Variants in MDGA2 observed in about 807,000 individuals in gnomAD.
MDGA2 encodes the protein MAM domain-containing glycosylphosphatidylinositol anchor protein 2.
MDGA2 carries 40 observed loss-of-function variants against 117.8 expected under a neutral mutation model. The ratio of observed to expected loss-of-function variants is 0.34; its 90% CI spans 0.26 to 0.44. The LOEUF (loss-of-function observed/expected upper bound fraction) is 0.44, where lower values mean the gene tolerates loss of function less well. Ranked by LOEUF, MDGA2 falls within the 20% of genes least tolerant of loss-of-function variation. The probability of loss-of-function intolerance (pLI) is 1.00; values close to 1 mark genes in which losing one functional copy is unlikely to be tolerated. For synonymous variants in MDGA2, 452 were observed against 439.0 expected (o/e 1.03, Z -0.37); for missense variants, 1,123 against 1,250.6 (o/e 0.90, Z 1.54).
intron 1 of MDGA2, among the ~76,000 whole-genome samples, chr14:47,662,446 G>A (rs1255378537): frequency 1.3e-5 from 2 of 152,096 alleles, no homozygotes; most frequent in Non-Finnish European, 2.9e-5. Flanking sequence ...CTGGAAGAGG[G>A]AAGGTGGTTA....
chr14:47,154,615 A>C (rs1303216611), intron 3 of MDGA2, among the ~76,000 whole-genome samples: 1 of 151,702 alleles, frequency 6.6e-6, no homozygotes, highest in Non-Finnish European at 1.5e-5. Context: ...GTCCAGCCCA[A>C]GCGCTGTCAA....
At chr14:47,273,069 A>C (rs1888200357) in intron 2 of MDGA2, among the ~76,000 whole-genome samples, 2 of 152,054 alleles carry the variant, frequency 1.3e-5, no homozygotes, top group Non-Finnish European at 2.9e-5. Context: ...CCCCCTTTTT[A>C]GTCCCTGATA....
intron 2 of MDGA2, among the ~76,000 whole-genome samples, chr14:47,269,132 G>C (rs1192115732): frequency 6.6e-6 from 1 of 152,076 alleles, no homozygotes; most frequent in Non-Finnish European, 1.5e-5. Context: ...TATAGTTTAG[G>C]AAAATATTCT....
intron 1 of MDGA2, among the ~76,000 whole-genome samples, chr14:47,396,528 A>C (rs1309583566): frequency 6.6e-6 from 1 of 152,210 alleles, no homozygotes; most frequent in Non-Finnish European, 1.5e-5. Flanking sequence ...CAACAAAAGA[A>C]ACTATCATCA....
At chr14:47,568,014 T>C (rs1355883344) in intron 1 of MDGA2, among the ~76,000 whole-genome samples, 2 of 152,122 alleles carry the variant, frequency 1.3e-5, no homozygotes, top group African/African-American at 2.4e-5. Flanking sequence ...CTCACTCCCA[T>C]GTGTCCACTA....
At chr14:46,869,518 T>C (rs1881915798) in intron 14 of MDGA2, among the ~76,000 whole-genome samples, 2 of 151,972 alleles carry the variant, frequency 1.3e-5, no homozygotes, top group African/African-American at 4.8e-5. Flanking sequence ...GATAACATTA[T>C]AGTTTTCATT....
chr14:47,082,485 C>G (rs901122101), intron 6 of MDGA2, among the ~76,000 whole-genome samples: 2 of 151,940 alleles, frequency 1.3e-5, no homozygotes, highest in Non-Finnish European at 2.9e-5. Flanking sequence ...AGGTTATGTC[C>G]TAGGAATGGG....
intron 1 of MDGA2, among the ~76,000 whole-genome samples, chr14:47,386,470 G>A (rs901374303): frequency 5.9e-5 from 9 of 152,056 alleles, no homozygotes; most frequent in African/African-American, 7.2e-5. Context: ...CCTCAAAGAC[G>A]TGAACATGGT....
chr14:47,646,079 CAAAAA>C (rs10533233), intron 1 of MDGA2, among the ~76,000 whole-genome samples: 6 of 107,602 alleles, frequency 5.6e-5, no homozygotes, highest in Admixed American at 1.0e-4. Flanking sequence ...GACTCCGTCT[CAAAAA>C]AAAAAAAAAA....
chr14:46,898,166 T>A (rs999620754), intron 10 of MDGA2, among the ~76,000 whole-genome samples: 1 of 152,044 alleles, frequency 6.6e-6, no homozygotes, highest in Non-Finnish European at 1.5e-5. Flanking sequence ...AGGGTCTGTA[T>A]AATCAGTAAG....
Position 47,214,492 on chromosome 14 carries a change from TA to T in MDGA2, c.595+3528del, listed in dbSNP as rs1320155139. On this transcript the variant is annotated intron_variant, in intron 3 of 16. Coordinates refer to ENST00000399232, the MANE Select transcript of MDGA2 (RefSeq NM_001113498.3). ...CAAACTGTATTCTTGATTAACATAG[TA>T]AAAAAATGCATGTGGTAGTTCCTTT... Among the ~76,000 whole-genome samples the T allele has an allele frequency of 2.0e-5, 3 of 152,190 alleles. No individual in the cohort carries two copies. The East Asian group carries it at 5.8e-4, about 29-fold the overall frequency.
At chr14:47,293,689 T>C (rs967908993) in intron 2 of MDGA2, among the ~76,000 whole-genome samples, 2 of 152,180 alleles carry the variant, frequency 1.3e-5, no homozygotes, top group African/African-American at 4.8e-5. Flanking sequence ...TGAGATAGTA[T>C]CTGGAATGAA....
At chr14:47,593,478 TA>T (rs1366012207) in intron 1 of MDGA2, among the ~76,000 whole-genome samples, 4 of 152,074 alleles carry the variant, frequency 2.6e-5, no homozygotes, top group African/African-American at 9.7e-5. Flanking sequence ...GGAATGAAAC[TA>T]AATGTCCATC....
chr14:47,410,236 CT>C (rs753679983), intron 1 of MDGA2, among the ~76,000 whole-genome samples: 2 of 152,000 alleles, frequency 1.3e-5, no homozygotes, highest in Non-Finnish European at 2.9e-5. Flanking sequence ...TGGAATGAGC[CT>C]TGTGTCTTGT....
chr14:47,568,661 G>A (rs1895962081), intron 1 of MDGA2, among the ~76,000 whole-genome samples: 1 of 152,112 alleles, frequency 6.6e-6, no homozygotes, highest in Non-Finnish European at 1.5e-5. Context: ...TTTCTGTTAA[G>A]AAATATTTGT....
chr14:47,369,004 T>C (rs1046550891), intron 1 of MDGA2, among the ~76,000 whole-genome samples: 3 of 152,264 alleles, frequency 2.0e-5, no homozygotes, highest in African/African-American at 7.2e-5. Context: ...CAGAACAATT[T>C]TGATACTACA....
chr14:47,323,759 A>G (rs887076201), intron 1 of MDGA2, among the ~76,000 whole-genome samples: 4 of 152,222 alleles, frequency 2.6e-5, no homozygotes, highest in Non-Finnish European at 5.9e-5. Context: ...TTGCAATAGA[A>G]CTTTGAAACT....
intron 1 of MDGA2, among the ~76,000 whole-genome samples, chr14:47,360,488 T>C (rs999609955): frequency 6.6e-6 from 1 of 152,034 alleles, no homozygotes; most frequent in African/African-American, 2.4e-5. Flanking sequence ...AAAAGGTGCT[T>C]TCCCAATGAG....
At chr14:47,105,254 C>T (rs1462437789) in intron 5 of MDGA2, among the ~76,000 whole-genome samples, 2 of 152,130 alleles carry the variant, frequency 1.3e-5, no homozygotes, top group Non-Finnish European at 2.9e-5. Flanking sequence ...TTCCGCACCC[C>T]AACCTCTTAT....
Sources: allele counts gnomAD v4.1 joint callset (sites outside exome capture counted in the v4.1 genomes callset), GRCh38; gene constraint gnomAD v4.1.1; transcripts MANE v1.5; gene names NCBI Gene and HGNC (gene_info 2026-07-23, HGNC 2026-07-21).